Variants in CA10 observed in about 807,000 individuals in gnomAD.
The protein encoded by CA10 is carbonic anhydrase-related protein 10.
Under a neutral mutation model 44.2 loss-of-function variants are expected in CA10, and 14 were observed. The ratio of observed to expected loss-of-function variants is 0.32; its 90% CI spans 0.21 to 0.50. CA10 has a LOEUF of 0.50. Among genes scored for constraint, CA10 ranks in the 20% least tolerant of loss-of-function variants. The probability of loss-of-function intolerance (pLI) is 0.99; values close to 1 mark genes in which losing one functional copy is unlikely to be tolerated. For synonymous variants in CA10, 159 were observed against 141.6 expected, an observed-to-expected ratio of 1.12 and a Z score of -0.87; for missense variants, 350 against 409.7, an observed-to-expected ratio of 0.85 and a Z score of 1.26.
intron 3 of CA10, among the ~76,000 whole-genome samples, chr17:51,861,656 A>G (rs1349056198): frequency 6.6e-6 from 1 of 152,120 alleles, no homozygotes; most frequent in Non-Finnish European, 1.5e-5. Context: ...TAAAAAATTC[A>G]TGGGAAAAAA....
At chr17:52,049,782 A>G (rs1051569975) in intron 2 of CA10, among the ~76,000 whole-genome samples, 1 of 152,142 alleles carries the variant, frequency 6.6e-6, no homozygotes, top group Admixed American at 6.6e-5. Context: ...CTAAAACAGA[A>G]TACATTTATG....
At chr17:51,913,356 G>A (rs1192406708) in intron 3 of CA10, among the ~76,000 whole-genome samples, 1 of 152,134 alleles carries the variant, frequency 6.6e-6, no homozygotes, top group Non-Finnish European at 1.5e-5. Context: ...TATATGCCTA[G>A]GAGAGACATC....
intron 2 of CA10, among the ~76,000 whole-genome samples, chr17:51,987,104 C>A (rs1164963712): frequency 6.6e-6 from 1 of 151,988 alleles, no homozygotes; most frequent in East Asian, 1.9e-4. Context: ...TGGAACCAAC[C>A]CAAATGCCCA....
At chr17:51,645,451 T>C (rs1253810925) in intron 6 of CA10, among the ~76,000 whole-genome samples, 1 of 152,202 alleles carries the variant, frequency 6.6e-6, no homozygotes, top group East Asian at 1.9e-4. Flanking sequence ...TGATTTCCAC[T>C]GGAGGTACCA....
At chr17:52,026,756 G>C (rs564129998) in intron 2 of CA10, among the ~76,000 whole-genome samples, 1 of 152,044 alleles carries the variant, frequency 6.6e-6, no homozygotes, top group Non-Finnish European at 1.5e-5. Context: ...TGGGGGTAAC[G>C]ACCCCTATGA....
At chr17:51,862,621 A>C (rs1350086743) in intron 3 of CA10, among the ~76,000 whole-genome samples, 1 of 152,128 alleles carries the variant, frequency 6.6e-6, no homozygotes, top group East Asian at 1.9e-4. Flanking sequence ...GCCATAACAA[A>C]ATACCATAGA....
chr17:52,046,457 T>A (rs1986915598), intron 2 of CA10, among the ~76,000 whole-genome samples: 1 of 151,812 alleles, frequency 6.6e-6, no homozygotes, highest in Non-Finnish European at 1.5e-5. Flanking sequence ...GCTAATAAAT[T>A]TTACAACTTA....
chr17:51,865,203 C>G (rs373327702), intron 3 of CA10, among the ~76,000 whole-genome samples: 2 of 152,286 alleles, frequency 1.3e-5, no homozygotes, highest in Middle Eastern at 3.4e-3. Context: ...TTATTTTTCT[C>G]CATGGTACTC....
intron 3 of CA10, among the ~76,000 whole-genome samples, chr17:51,804,949 G>A (rs1907072238): frequency 6.6e-6 from 1 of 152,154 alleles, no homozygotes; most frequent in South Asian, 2.1e-4. Context: ...ACTAGGGAAG[G>A]GAGAGACAGT....
At chr17:51,798,881 C>T (rs985629978) in intron 3 of CA10, among the ~76,000 whole-genome samples, 8 of 152,184 alleles carry the variant, frequency 5.3e-5, no homozygotes, top group African/African-American at 1.9e-4. Context: ...AAATTTTATG[C>T]CAACTCTGCG....
intron 4 of CA10, among the ~76,000 whole-genome samples, chr17:51,724,270 G>T (rs1916445389): frequency 6.6e-6 from 1 of 152,192 alleles, no homozygotes; most frequent in Non-Finnish European, 1.5e-5. Context: ...GACATTCCTT[G>T]GTTGGGAGAT....
intron 3 of CA10, among the ~76,000 whole-genome samples, chr17:51,787,468 T>C (rs1474415184): frequency 2.0e-5 from 3 of 152,008 alleles, no homozygotes; most frequent in Admixed American, 6.6e-5. Flanking sequence ...TTCACTGATA[T>C]CATGGTTTTT....
intron 3 of CA10, among the ~76,000 whole-genome samples, chr17:51,884,718 G>A (rs1017285102): frequency 1.3e-5 from 2 of 152,174 alleles, no homozygotes; most frequent in Admixed American, 6.5e-5. Flanking sequence ...GGCTTAGCAC[G>A]ACAGAAAAGT....
At chr17:51,669,523 G>C (rs777863408) in intron 4 of CA10, among the ~76,000 whole-genome samples, 2 of 152,068 alleles carry the variant, frequency 1.3e-5, no homozygotes, top group Non-Finnish European at 2.9e-5. Flanking sequence ...TTCGCTCTTC[G>C]TACTAAATCT....
At position 51,670,487 on chromosome 17, in the gene CA10, CT is replaced by C. The variant is rs540965357; in HGVS notation, c.466-16752del. 5.9e-3 allele frequency among the ~76,000 whole-genome samples: 856 copies of C among 145,704 alleles called. 2 individuals carry two copies. The highest frequency in any genetic ancestry group is 0.015 in the African/African-American group (582 of 39,970). On this transcript the variant is annotated intron_variant, in intron 4 of 8. Transcript: ENST00000451037. ...TCCCTGATTGATTGGGTCCGCATTC[CT>C]TTTTTTTTTTTCCCCCTGGAATCTC... is the stretch of plus-strand genomic sequence containing the variant.
intron 2 of CA10, among the ~76,000 whole-genome samples, chr17:51,957,903 C>T (rs1401951825): frequency 6.6e-6 from 1 of 152,044 alleles, no homozygotes; most frequent in Non-Finnish European, 1.5e-5. Flanking sequence ...ACCTTTCTCA[C>T]TCCCCCCGAG....
chr17:51,782,996 T>G (rs145410791), intron 3 of CA10, among the ~76,000 whole-genome samples: 1 of 152,334 alleles, frequency 6.6e-6, no homozygotes, highest in Non-Finnish European at 1.5e-5. Flanking sequence ...CCATTTTGCA[T>G]AAGACAGCCA....
intron 1 of CA10, among the ~76,000 whole-genome samples, chr17:52,087,739 G>A (rs1567728982): frequency 6.6e-6 from 1 of 152,144 alleles, no homozygotes; most frequent in Non-Finnish European, 1.5e-5. Context: ...GAAACAGCAT[G>A]TTCAGAAAAA....
chr17:52,137,387 C>T (rs1989383299), intron 1 of CA10, among the ~76,000 whole-genome samples: 1 of 152,180 alleles, frequency 6.6e-6, no homozygotes. Context: ...ATATTGACTA[C>T]TGTTAGATAT....
Sources: gnomAD v4.1 joint callset for allele counts (sites outside exome capture counted in the v4.1 genomes callset) on GRCh38, gnomAD v4.1.1 for gene constraint, MANE v1.5 for transcripts, NCBI Gene and HGNC (gene_info 2026-07-23, HGNC 2026-07-21) for gene names.